Variants in SAG observed in about 807,000 individuals in gnomAD.
The protein encoded by SAG is S-arrestin.
A neutral mutation model predicts 55.0 loss-of-function variants in SAG; 45 were observed. The observed-to-expected ratio is 0.82, with a 90% CI of 0.64 to 1.05. The LOEUF (loss-of-function observed/expected upper bound fraction) is 1.05, where lower values mean the gene tolerates loss of function less well. Among genes scored for constraint, SAG ranks in the 50% least tolerant of loss-of-function variants. The probability of loss-of-function intolerance (pLI) is 0.00; values close to 1 mark genes in which losing one functional copy is unlikely to be tolerated. For synonymous variants in SAG, 189 were observed against 197.4 expected, an observed-to-expected ratio of 0.96 and a Z score of 0.36; for missense variants, 455 against 512.1, an observed-to-expected ratio of 0.89 and a Z score of 1.08.
At chr2:233,322,459 G>A (rs554813023) in intron 5 of SAG, among the ~76,000 whole-genome samples, 3 of 152,312 alleles carry the variant, frequency 2.0e-5, no homozygotes, top group South Asian at 2.1e-4. Context: ...ACTACAGAAC[G>A]TGATCATCAC....
intron 9 of SAG, among the ~76,000 whole-genome samples, chr2:233,330,471 CCCTCCCTTCCTTCCTT>C (rs1160586718): frequency 0.08 from 9,064 of 113,532 alleles, 801 homozygotes; most frequent in African/African-American, 0.14. Flanking sequence ...ACTTTTCCCT[CCCTCCCTTCCTTCCTT>C]CCTTCCTTCC....
intron 3 of SAG, among the ~76,000 whole-genome samples, chr2:233,317,481 C>T (rs887888285): frequency 1.3e-5 from 2 of 152,192 alleles, no homozygotes; most frequent in African/African-American, 2.4e-5. Flanking sequence ...CAACACAAAA[C>T]GTCTTTTAAA....
At chr2:233,324,198 C>T (rs1700475953) in intron 6 of SAG, among the ~76,000 whole-genome samples, 1 of 151,960 alleles carries the variant, frequency 6.6e-6, no homozygotes, top group Non-Finnish European at 1.5e-5. Flanking sequence ...TCAAGACTAG[C>T]CCGGGCAACG....
At chr2:233,312,541 G>A (rs568053726) in intron 2 of SAG, among the ~76,000 whole-genome samples, 2 of 152,304 alleles carry the variant, frequency 1.3e-5, no homozygotes, top group South Asian at 4.1e-4. Flanking sequence ...TCTCTATTTA[G>A]CTTTCCTAAA....
At chr2:233,335,817 T>C (rs1278973873) in intron 11 of SAG, among the ~76,000 whole-genome samples, 3 of 152,232 alleles carry the variant, frequency 2.0e-5, no homozygotes, top group Non-Finnish European at 4.4e-5. Flanking sequence ...CCCGGGAGCA[T>C]GTCTGTGGGC....
intron 6 of SAG, 122 bp downstream of exon 6, chr2:233,323,127 T>G: frequency 4.3e-6 from 3 of 690,022 alleles, no homozygotes; most frequent in South Asian, 3.4e-5. Flanking sequence ...GGCGTGATCT[T>G]GGCTCACTGC....
chr2:233,342,541 T>G (rs1440514263), intron 14 of SAG: 1 of 581,816 alleles, frequency 1.7e-6, no homozygotes, highest in African/African-American at 1.9e-5. Context: ...AGCTGGAGTC[T>G]GCAAGATGTA....
chr2:233,330,475 CCCTTCCTT>C (rs775846940), intron 9 of SAG, among the ~76,000 whole-genome samples: 3,580 of 45,656 alleles, frequency 0.078, 96 homozygotes, highest in East Asian at 0.17. Flanking sequence ...TTCCCTCCCT[CCCTTCCTT>C]CCTTCCTTCC....
chr2:233,314,258 G>A (rs565543383), intron 2 of SAG, among the ~76,000 whole-genome samples: 7 of 151,864 alleles, frequency 4.6e-5, no homozygotes, highest in South Asian at 4.1e-4. Context: ...AGCTCCATGC[G>A]CCACACGGCA....
At position 233,340,424 on chromosome 2, in the gene SAG, T is replaced by A. The variant is rs371578483; in HGVS notation, c.1023-31T>A. ...AAGGGTCGTGTTACCACTGTGACAG[T>A]TAACGACAGGCGTTTGTTTGTGTTT... is the stretch of plus-strand genomic sequence containing the variant. On this transcript the variant is annotated intron_variant, in intron 12 of 15. Transcript: ENST00000409110. The surrounding 1 kb of genome is among the most constrained non-coding windows in gnomAD (Gnocchi z 4.2). The A allele has an allele frequency of 5.0e-6, 8 of 1,605,940 alleles. No homozygotes were observed. Among genetic ancestry groups the A allele is most frequent in the Non-Finnish European group, 6.8e-6 (8 of 1,174,980 alleles).
intron 11 of SAG, among the ~76,000 whole-genome samples, chr2:233,336,734 G>T (rs942283824): frequency 6.6e-6 from 1 of 152,114 alleles, no homozygotes; most frequent in African/African-American, 2.4e-5. Flanking sequence ...CTGACTTGCA[G>T]GGTGTTCTCA....
chr2:233,312,620 C>T (rs896239973), intron 2 of SAG, among the ~76,000 whole-genome samples: 7 of 152,212 alleles, frequency 4.6e-5, no homozygotes, highest in African/African-American at 1.2e-4. Flanking sequence ...TTTAGGGCCA[C>T]GTCCTATGAG....
chr2:233,343,711 A>C, intron 14 of SAG: 1 of 1,217,528 alleles, frequency 8.2e-7, no homozygotes, highest in Non-Finnish European at 1.0e-6. Flanking sequence ...AGCTTAGTTG[A>C]CGGGAAAGAA....
intron 3 of SAG, among the ~76,000 whole-genome samples, chr2:233,318,395 T>A (rs1358782902): frequency 6.6e-6 from 1 of 152,052 alleles, no homozygotes; most frequent in Non-Finnish European, 1.5e-5. Context: ...GCTGGCTAAT[T>A]TTTTTTAAAA....
At chr2:233,310,176 G>A (rs1479738772) in intron 2 of SAG, among the ~76,000 whole-genome samples, 3 of 152,220 alleles carry the variant, frequency 2.0e-5, no homozygotes, top group South Asian at 2.1e-4. Context: ...TCTGTGGATA[G>A]CTCCACTCGA....
intron 6 of SAG, among the ~76,000 whole-genome samples, chr2:233,325,196 T>A: frequency 7.9e-6 from 1 of 126,090 alleles, no homozygotes. Flanking sequence ...AGAGCAAGGC[T>A]CCATCTCAAA....
chr2:233,337,477 G>T (rs950829655), intron 11 of SAG, among the ~76,000 whole-genome samples: 1 of 152,094 alleles, frequency 6.6e-6, no homozygotes, highest in Non-Finnish European at 1.5e-5. Flanking sequence ...GAACTCAAGC[G>T]ATCTGCCCGC....
chr2:233,322,663 T>C (rs1559439455), intron 5 of SAG, among the ~76,000 whole-genome samples: 1 of 151,960 alleles, frequency 6.6e-6, no homozygotes, highest in Non-Finnish European at 1.5e-5. Flanking sequence ...TAGCTGGGCA[T>C]GGTGGTGTGT....
chr2:233,318,865 A>T, intron 4 of SAG, 70 bp downstream of exon 4: 1 of 1,346,476 alleles, frequency 7.4e-7, no homozygotes, highest in East Asian at 2.3e-5. Context: ...GGCTCTGGGA[A>T]GGGGCATTTA....
Sources: allele counts gnomAD v4.1 joint callset (sites outside exome capture counted in the v4.1 genomes callset), GRCh38; gene constraint gnomAD v4.1.1; non-coding constraint Gnocchi (gnomAD v3.1); transcripts MANE v1.5; gene names NCBI Gene and HGNC (gene_info 2026-07-23, HGNC 2026-07-21).